Variants in DMD observed in about 807,000 individuals in gnomAD.
DMD encodes dystrophin.
In DMD, 63 loss-of-function variants were observed where a neutral mutation model predicts 330.1. That is an observed-to-expected ratio of 0.19 (90% confidence interval 0.16 to 0.24). DMD has a LOEUF of 0.24. Ranked by LOEUF, DMD falls within the 10% of genes least tolerant of loss-of-function variation. DMD has a pLI of 1.00. For missense variants in DMD, 3,344 were observed against 2,684.1 expected (o/e 1.25, Z -5.43); for synonymous variants, 1,223 against 959.8 (o/e 1.27, Z -5.07).
intron 18 of DMD, among the ~76,000 whole-genome samples, chrX:32,511,756 T>A (rs1408725859): frequency 9.0e-6 from 1 of 110,817 alleles, no homozygotes. Context: ...GTTTATCATA[T>A]ATGTGTCTAC....
intron 11 of DMD, among the ~76,000 whole-genome samples, chrX:32,623,754 T>A (rs1251384786): frequency 1.8e-5 from 2 of 110,842 alleles, no homozygotes; most frequent in Admixed American, 1.9e-4. Context: ...CTTGAACTCC[T>A]GGTCTCCAGC....
chrX:32,237,730 T>G (rs2097193130), intron 43 of DMD, among the ~76,000 whole-genome samples: 1 of 111,944 alleles, frequency 8.9e-6, no homozygotes, highest in Non-Finnish European at 1.9e-5. Context: ...CACGCATTTT[T>G]GACTGACATG....
intron 7 of DMD, among the ~76,000 whole-genome samples, chrX:32,720,962 C>T (rs764113892): frequency 1.1e-4 from 12 of 110,947 alleles, no homozygotes; most frequent in Non-Finnish European, 1.7e-4. Flanking sequence ...TGTTAGATAA[C>T]GTAGCATATT....
intron 9 of DMD, among the ~76,000 whole-genome samples, chrX:32,682,102 T>C (rs763274817): frequency 8.5e-4 from 95 of 111,862 alleles, no homozygotes; most frequent in African/African-American, 3.0e-3. Flanking sequence ...TTGGATTTTC[T>C]TCCGAGTGTA....
At chrX:32,479,774 T>C (rs2041654768) in intron 21 of DMD, among the ~76,000 whole-genome samples, 1 of 110,269 alleles carries the variant, frequency 9.1e-6, no homozygotes, top group South Asian at 3.7e-4. Context: ...CCACTATGCA[T>C]ATATCACTAT....
intron 5 of DMD, among the ~76,000 whole-genome samples, chrX:32,817,316 G>A (rs2077842764): frequency 9.0e-6 from 1 of 111,576 alleles, no homozygotes; most frequent in South Asian, 3.7e-4. Context: ...TCCCTAAGAG[G>A]TGTACATATG....
chrX:32,401,801 C>A (rs531241608), intron 30 of DMD, among the ~76,000 whole-genome samples: 1 of 112,535 alleles, frequency 8.9e-6, no homozygotes, highest in East Asian at 2.8e-4. Flanking sequence ...GCATTGCATG[C>A]CTGTATCAAA....
chrX:31,960,188 AT>A (rs1208768573), intron 45 of DMD, among the ~76,000 whole-genome samples: 1 of 110,539 alleles, frequency 9.0e-6, no homozygotes, highest in African/African-American at 3.3e-5. Context: ...AAATAGGACA[AT>A]TTTAATAATA....
chrX:32,255,847 C>T lies in DMD; in HGVS notation c.6290+31682G>A, dbSNP rs761796500. 3.8e-4 allele frequency among the ~76,000 whole-genome samples: 42 copies of T among 111,606 alleles called. 1 individual carries two copies. Among genetic ancestry groups the T allele is most frequent in the Non-Finnish European group, 7.0e-4 (37 of 53,120 alleles). On this transcript the variant is annotated intron_variant, in intron 43 of 78. Transcript: ENST00000357033. ...CAGATATACTTTCCCTATATCAATGCGATGTTTCATGCTTTCTTCTTTTAT... is the reference window on the plus strand; with the variant it reads ...CAGATATACTTTCCCTATATCAATGTGATGTTTCATGCTTTCTTCTTTTAT...
At chrX:31,338,309 CAA>C (rs752828727) in intron 61 of DMD, among the ~76,000 whole-genome samples, 18,192 of 53,309 alleles carry the variant, frequency 0.34, 2,469 homozygotes, top group South Asian at 0.47. Context: ...AGTAAAAATA[CAA>C]AAAAAAAAAA....
At chrX:31,784,930 C>T (rs180965477) in intron 50 of DMD, among the ~76,000 whole-genome samples, 1 of 111,945 alleles carries the variant, frequency 8.9e-6, no homozygotes, top group Non-Finnish European at 1.9e-5. Context: ...AATCAATGAG[C>T]ATCTGTATAT....
chrX:33,115,510 C>T (rs1023831959), intron 1 of DMD, among the ~76,000 whole-genome samples: 4 of 108,944 alleles, frequency 3.7e-5, no homozygotes, highest in African/African-American at 1.3e-4. Flanking sequence ...TAAAAGACAA[C>T]ATTTCTTTTT....
intron 7 of DMD, among the ~76,000 whole-genome samples, chrX:32,733,320 T>G (rs1158130207): frequency 1.8e-5 from 2 of 109,733 alleles, no homozygotes; most frequent in Non-Finnish European, 3.8e-5. Flanking sequence ...AATGGGAGAC[T>G]TTAACACCCC....
At chrX:33,096,189 T>C (rs1465680505) in intron 1 of DMD, among the ~76,000 whole-genome samples, 2 of 110,062 alleles carry the variant, frequency 1.8e-5, no homozygotes, top group East Asian at 5.8e-4. Flanking sequence ...TTAGCCAGGA[T>C]GGTCTCGATC....
At chrX:31,420,731 C>A (rs190524466) in intron 60 of DMD, among the ~76,000 whole-genome samples, 86 of 112,340 alleles carry the variant, frequency 7.7e-4, no homozygotes, top group African/African-American at 2.6e-3. Flanking sequence ...TGAGTGCCCA[C>A]AGGAATGTGT....
intron 43 of DMD, among the ~76,000 whole-genome samples, chrX:32,263,292 T>C (rs1413937979): frequency 8.9e-6 from 1 of 112,140 alleles, no homozygotes; most frequent in Non-Finnish European, 1.9e-5. Flanking sequence ...ATATGGCTGA[T>C]TGCATAATAG....
intron 2 of DMD, among the ~76,000 whole-genome samples, chrX:32,883,086 A>G (rs111234292): frequency 0.015 from 1,736 of 112,111 alleles, 31 homozygotes; most frequent in East Asian, 0.065. Flanking sequence ...ACAGGATGGT[A>G]TAGTCCTAAC....
intron 60 of DMD, among the ~76,000 whole-genome samples, chrX:31,427,788 G>C (rs1420990875): frequency 2.7e-5 from 3 of 111,496 alleles, no homozygotes; most frequent in African/African-American, 9.8e-5. Flanking sequence ...AAAGCTCAAG[G>C]TGTAACCATT....
intron 44 of DMD, among the ~76,000 whole-genome samples, chrX:32,062,732 T>C (rs1360219552): frequency 9.0e-6 from 1 of 111,369 alleles, no homozygotes; most frequent in Non-Finnish European, 1.9e-5. Flanking sequence ...CTAGTCTTTT[T>C]GGATGAATGT....
Sources: gnomAD v4.1 joint callset for allele counts (sites outside exome capture counted in the v4.1 genomes callset) on GRCh38, gnomAD v4.1.1 for gene constraint, MANE v1.5 for transcripts, NCBI Gene and HGNC (gene_info 2026-07-23, HGNC 2026-07-21) for gene names.